The following DNM2 variants were observed in gnomAD, a reference collection of about 807,000 sequenced individuals.
DNM2 encodes the protein dynamin-2.
DNM2 carries 15 observed loss-of-function variants against 99.0 expected under a neutral mutation model. That is an observed-to-expected ratio of 0.15 (90% CI 0.10 to 0.23). DNM2 has a LOEUF of 0.23. DNM2 is among the 10% of genes least tolerant of loss of function. The pLI is 1.00. For synonymous variants in DNM2, 525 were observed against 481.2 expected, an observed-to-expected ratio of 1.09 and a Z score of -1.19; for missense variants, 742 against 1,189.4, an observed-to-expected ratio of 0.62 and a Z score of 5.53.
intron 1 of DNM2, among the ~76,000 whole-genome samples, chr19:10,754,296 G>GC (rs1412316900): frequency 7.1e-6 from 1 of 140,476 alleles, no homozygotes; most frequent in Non-Finnish European, 1.5e-5. Context: ...TCACTCTGTT[G>GC]CCAGGCTGGA....
intron 7 of DNM2, among the ~76,000 whole-genome samples, chr19:10,788,715 C>T (rs1387808338): frequency 3.3e-5 from 5 of 152,172 alleles, no homozygotes; most frequent in Non-Finnish European, 5.9e-5. Context: ...AATTCTCACT[C>T]GGGGACTCTT....
At chr19:10,783,257 G>A in intron 6 of DNM2, 137 bp downstream of exon 6, 2 of 1,356,114 alleles carry the variant, frequency 1.5e-6, no homozygotes, top group Non-Finnish European at 2.0e-6. Context: ...ATTTAGCCTA[G>A]GAGTTTGAGA....
At chr19:10,778,941 C>A (rs1204654266) in intron 5 of DNM2, among the ~76,000 whole-genome samples, 1 of 151,970 alleles carries the variant, frequency 6.6e-6, no homozygotes, top group East Asian at 1.9e-4. Context: ...TTGGGTCGGG[C>A]ATGGTGACTC....
Position 10,831,432 on chromosome 19 carries a change from C to T in DNM2, c.*385C>T, listed in dbSNP as rs78160240. 7,737 of 1,015,646 alleles carry T rather than the reference C, an allele frequency of 7.6e-3. 357 individuals are homozygous for T. The African/African-American group carries it at 0.11, about 14-fold the overall frequency. 62.9% of individuals were successfully genotyped at this position (1,015,646 alleles called of 1,614,324 possible). A position where few individuals can be genotyped will look rare whatever the true frequency, so the allele number is the denominator to read the frequency against. ...CTTCTATAAGTGCGGGCACCAAGGGCGCCTACATCCCCAGGCCTTGCTGGG... is the reference window on the plus strand; with the variant it reads ...CTTCTATAAGTGCGGGCACCAAGGGTGCCTACATCCCCAGGCCTTGCTGGG... On this transcript the variant is annotated 3_prime_UTR_variant, in exon 21 of 21. Transcript: ENST00000389253. The surrounding 1 kb of genome is among the most constrained non-coding windows in gnomAD (Gnocchi z 4.3).
intron 12 of DNM2, among the ~76,000 whole-genome samples, chr19:10,804,365 G>T (rs1480040331): frequency 6.6e-6 from 1 of 152,074 alleles, no homozygotes; most frequent in African/African-American, 2.4e-5. Context: ...AATGTTCTGG[G>T]CTTCCCATTG....
intron 1 of DNM2, among the ~76,000 whole-genome samples, chr19:10,738,678 A>G (rs1275620545): frequency 6.6e-6 from 1 of 151,846 alleles, no homozygotes; most frequent in Non-Finnish European, 1.5e-5. Flanking sequence ...CCTGGCCAAC[A>G]TGGCAAAACC....
intron 1 of DNM2, among the ~76,000 whole-genome samples, chr19:10,720,117 C>G (rs764289193): frequency 6.6e-6 from 1 of 152,278 alleles, no homozygotes; most frequent in Non-Finnish European, 1.5e-5. Context: ...AAAGCTCTGT[C>G]TCTTTCACTT....
In DNM2 at chr19:10,795,501, A is replaced by G; in HGVS notation, c.1196+62A>G. On this transcript the variant is annotated intron_variant, in intron 9 of 20. Transcript: ENST00000389253. This position sits in a 1 kb window ranked among gnomAD's most constrained non-coding sequence, Gnocchi z 4.2. ...TCTCCGTGGTGCGACCCCCCAGCTAATTGGGTCACCCACACCTCTGAGTCC... is the reference window on the plus strand; with the variant it reads ...TCTCCGTGGTGCGACCCCCCAGCTAGTTGGGTCACCCACACCTCTGAGTCC... The G allele has an allele frequency of 6.3e-7, 1 of 1,587,672 alleles. No individual in the cohort carries two copies. The highest frequency in any genetic ancestry group is 1.1e-5 in the South Asian group (1 of 90,574).
chr19:10,772,690 G>A lies in DNM2; in HGVS notation c.385+62G>A. On this transcript the variant is annotated intron_variant, in intron 3 of 20. Transcript: ENST00000389253. The surrounding 1 kb of genome is among the most constrained non-coding windows in gnomAD (Gnocchi z 4.9). ...TCTGGTCGTTCATGGACAGTGCTATGGGTGAGCCTGTGTACTTCCACTCAT... is the reference window on the plus strand; with the variant it reads ...TCTGGTCGTTCATGGACAGTGCTATAGGTGAGCCTGTGTACTTCCACTCAT... 8 of 1,608,376 alleles carry A rather than the reference G, an allele frequency of 5.0e-6. No individual in the cohort carries two copies. The highest frequency in any genetic ancestry group is 2.2e-5 in the South Asian group (2 of 90,626).
intron 9 of DNM2, 54 bp from the exon 10 acceptor site, chr19:10,797,326 C>G: frequency 6.2e-7 from 1 of 1,606,070 alleles, no homozygotes. Flanking sequence ...GCGTGTGTGG[C>G]CTGCACTGTC....
At position 10,830,578 on chromosome 19, in the gene DNM2, G is replaced by A. The variant is rs2073307295; in HGVS notation, c.2543+200G>A. On this transcript the variant is annotated intron_variant, in intron 20 of 20. Coordinates refer to ENST00000389253, the MANE Select transcript of DNM2 (RefSeq NM_001005361.3). The surrounding 1 kb of genome is among the most constrained non-coding windows in gnomAD (Gnocchi z 4.8). ...CAGTGTCACAGAGTAGCGGAGCCCT[G>A]GTGACTCCGGGGCTCCCAGCTTGCC... 1.5e-6 allele frequency: 1 copy of A among 682,730 alleles called. No individual in the cohort carries two copies. Among genetic ancestry groups the A allele is most frequent in the Admixed American group, 2.9e-5 (1 of 34,076 alleles). The allele number at this position is 682,730 out of a possible 1,614,324, so 42.3% of individuals were successfully genotyped here. A position where few individuals can be genotyped will look rare whatever the true frequency, so the allele number is the denominator to read the frequency against.
At chr19:10,754,123 G>T (rs911250818) in intron 1 of DNM2, among the ~76,000 whole-genome samples, 3 of 152,052 alleles carry the variant, frequency 2.0e-5, no homozygotes, top group African/African-American at 7.2e-5. Context: ...AAACTAACAG[G>T]GTTGTAACAA....
At chr19:10,734,673 A>T (rs2069458600) in intron 1 of DNM2, among the ~76,000 whole-genome samples, 2 of 150,352 alleles carry the variant, frequency 1.3e-5, no homozygotes, top group Admixed American at 6.7e-5. Flanking sequence ...CCAAAGCCAG[A>T]ATGTACAGAT....
chr19:10,796,287 C>G lies in DNM2; in HGVS notation c.1196+848C>G. 1 of 1,584,370 alleles carries G rather than the reference C, an allele frequency of 6.3e-7. No individual in the cohort carries two copies. The highest frequency in any genetic ancestry group is 2.2e-5 in the East Asian group (1 of 44,712). ...TCAGGCTCCCAGCGCCTCATTGGCC[C>G]CCACTGGTGCCTTTTCTCCCCATAT... On this transcript the variant is annotated intron_variant, in intron 9 of 20. Coordinates refer to ENST00000389253, the MANE Select transcript of DNM2 (RefSeq NM_001005361.3). The surrounding 1 kb of genome is among the most constrained non-coding windows in gnomAD (Gnocchi z 5.6).
chr19:10,766,874 C>T (rs2070814489), intron 2 of DNM2, among the ~76,000 whole-genome samples: 1 of 152,136 alleles, frequency 6.6e-6, no homozygotes, highest in African/African-American at 2.4e-5. Flanking sequence ...GTCCCCAGGG[C>T]CTGATCACAT....
In DNM2 at chr19:10,830,954, C is replaced by T; in HGVS notation, c.2544-24C>T. 6.2e-7 allele frequency: 1 copy of T among 1,606,856 alleles called. No homozygotes were observed. The highest frequency in any genetic ancestry group is 8.5e-7 in the Non-Finnish European group (1 of 1,176,580). On this transcript the variant is annotated intron_variant, in intron 20 of 20. Coordinates refer to ENST00000389253, the MANE Select transcript of DNM2 (RefSeq NM_001005361.3). This position sits in a 1 kb window ranked among gnomAD's most constrained non-coding sequence, Gnocchi z 4.8. Reference sequence around the variant, plus strand: ...GGCCTCACTGCCGTCTCCCCCTCCCCACCTGTCTTTATTCTCTTTGCAGCA... The same window carrying T: ...GGCCTCACTGCCGTCTCCCCCTCCCTACCTGTCTTTATTCTCTTTGCAGCA...
chr19:10,740,935 A>G lies in DNM2; in HGVS notation c.162-18803A>G, dbSNP rs541874804. Among the ~76,000 whole-genome samples the G allele has an allele frequency of 4.6e-5, 7 of 152,268 alleles. No homozygotes were observed. The East Asian group carries it at 1.3e-3, about 29-fold the overall frequency. ...TCATTTCACTGTGGTTGGAGGAACT[A>G]CTTTGTATGATTTCAATCTCTTTAA... On this transcript the variant is annotated intron_variant, in intron 1 of 20. Transcript: ENST00000389253.
In DNM2 at chr19:10,830,249, C is replaced by T. The variant is rs779081943; in HGVS notation, c.2414C>T (p.Ser805Leu). 3.8e-5 allele frequency: 62 copies of T among 1,613,884 alleles called. No individual in the cohort carries two copies. The highest frequency in any genetic ancestry group is 1.5e-4 in the Admixed American group (9 of 59,994). ...PVPVGAAASFSAPPIPSRPGP... is the reference protein window; with the variant it reads ...PVPVGAAASFLAPPIPSRPGP... Reference sequence around the variant, plus strand: ...CCCGTGGGGGCAGCAGCCTCCTTCTCGGCGCCCCCAATCCCATCCCGGCCT... The same window carrying T: ...CCCGTGGGGGCAGCAGCCTCCTTCTTGGCGCCCCCAATCCCATCCCGGCCT... The change falls in exon 20 of 21, where the codon TCG (serine) becomes TTG (leucine). Residue 805 changes from serine to leucine, a missense_variant. Physicochemically the swap from Ser to Leu is moderately radical, Grantham distance 145. Around this residue, in one of 7 missense-constraint regions of DNM2, gnomAD observed 187 missense variants for 218.8 expected, o/e 0.85. Transcript: ENST00000389253. The surrounding 1 kb of genome is among the most constrained non-coding windows in gnomAD (Gnocchi z 4.8).
At chr19:10,797,970 G>GTGCT (rs2071997260) in intron 10 of DNM2, among the ~76,000 whole-genome samples, 1 of 152,198 alleles carries the variant, frequency 6.6e-6, no homozygotes, top group Non-Finnish European at 1.5e-5. Flanking sequence ...GGTTAAGTTG[G>GTGCT]TGCTGCAGAT....
Sources: allele counts gnomAD v4.1 joint callset (sites outside exome capture counted in the v4.1 genomes callset), GRCh38; gene constraint gnomAD v4.1.1; regional missense constraint gnomAD v4.1.1; non-coding constraint Gnocchi (gnomAD v3.1); transcripts MANE v1.5; gene names NCBI Gene and HGNC (gene_info 2026-07-23, HGNC 2026-07-21).